The following ADAM9 variants were observed in gnomAD, a reference collection of about 807,000 sequenced individuals.
The protein encoded by ADAM9 is disintegrin and metalloproteinase domain-containing protein 9.
In ADAM9, 54 loss-of-function variants were observed where a neutral mutation model predicts 108.1. The ratio of observed to expected loss-of-function variants is 0.50; its 90% CI spans 0.40 to 0.63. The LOEUF (loss-of-function observed/expected upper bound fraction) is 0.63, where lower values mean the gene tolerates loss of function less well. Among genes scored for constraint, ADAM9 ranks in the 20% least tolerant of loss-of-function variants. ADAM9 has a pLI of 0.00. For synonymous variants in ADAM9, 316 were observed against 336.0 expected, an observed-to-expected ratio of 0.94 and a Z score of 0.65; for missense variants, 830 against 997.7, an observed-to-expected ratio of 0.83 and a Z score of 2.26.
intron 12 of ADAM9, among the ~76,000 whole-genome samples, chr8:39,049,911 A>G (rs1837901423): frequency 6.6e-6 from 1 of 152,182 alleles, no homozygotes. Flanking sequence ...TTTCATTTCA[A>G]GGTGCAGAAC....
chr8:39,074,001 G>A (rs964076353), intron 15 of ADAM9, among the ~76,000 whole-genome samples: 1 of 152,056 alleles, frequency 6.6e-6, no homozygotes, highest in African/African-American at 2.4e-5. Context: ...GATAATAATG[G>A]CACCTGTTTC....
intron 8 of ADAM9, among the ~76,000 whole-genome samples, chr8:39,022,403 A>G (rs1410523526): frequency 6.6e-6 from 1 of 152,198 alleles, no homozygotes; most frequent in Non-Finnish European, 1.5e-5. Flanking sequence ...AAAATTTTAG[A>G]TAAGTTTAGA....
At chr8:39,001,542 TAAAC>T (rs67160709) in intron 1 of ADAM9, among the ~76,000 whole-genome samples, 3,977 of 152,284 alleles carry the variant, frequency 0.026, 195 homozygotes, top group African/African-American at 0.091. Context: ...AAGGGACACT[TAAAC>T]AAACAACAGA....
At chr8:39,073,282 G>A (rs912877867) in intron 15 of ADAM9, among the ~76,000 whole-genome samples, 4 of 152,128 alleles carry the variant, frequency 2.6e-5, no homozygotes, top group Admixed American at 2.0e-4. Context: ...AGTTATGATT[G>A]TGGATTTGTC....
At chr8:39,020,681 GC>G (rs1836708317) in intron 7 of ADAM9, among the ~76,000 whole-genome samples, 1 of 151,950 alleles carries the variant, frequency 6.6e-6, no homozygotes, top group African/African-American at 2.4e-5. Flanking sequence ...TTTTAATTCA[GC>G]CCAGCATTTA....
chr8:39,047,040 A>G (rs962489938), intron 12 of ADAM9, among the ~76,000 whole-genome samples: 3 of 152,214 alleles, frequency 2.0e-5, no homozygotes, highest in Non-Finnish European at 4.4e-5. Flanking sequence ...GAGTGCTGGG[A>G]TTACAGGTGT....
In ADAM9 at chr8:39,091,298, G is replaced by C. The variant is rs769599236; in HGVS notation, c.2250G>C (p.Pro750=). Residue 750 remains proline, a synonymous_variant, in exon 20 of 22, where the codon CCG becomes CCC. Transcript: ENST00000487273. ...GKNQANPSRQ[P]GSVPRHVSPV... ...ATCAAGCAAACCCTTCTAGACAGCC[G>C]GGGAGTGTTCCTCGACATGTTTCTC... 7 of 1,614,074 alleles carry C rather than the reference G, an allele frequency of 4.3e-6. No individual in the cohort carries two copies. The highest frequency in any genetic ancestry group is 1.7e-5 in the Admixed American group (1 of 60,018).
chr8:39,009,064 CT>C (rs1420102477), intron 2 of ADAM9, among the ~76,000 whole-genome samples: 3 of 152,174 alleles, frequency 2.0e-5, no homozygotes, highest in Non-Finnish European at 2.9e-5. Flanking sequence ...AAAAAGAACA[CT>C]GGAGTTGAGG....
At chr8:39,091,814 G>A (rs370120178) in intron 20 of ADAM9, among the ~76,000 whole-genome samples, 8 of 152,280 alleles carry the variant, frequency 5.3e-5, no homozygotes, top group South Asian at 2.1e-4. Context: ...GAAAACCAGC[G>A]GAGTCCTTGG....
chr8:39,008,662 G>C (rs1184834893), intron 2 of ADAM9, among the ~76,000 whole-genome samples: 2 of 152,144 alleles, frequency 1.3e-5, no homozygotes, highest in Non-Finnish European at 2.9e-5. Context: ...CACTCAGTTT[G>C]TGATAGCTAG....
intron 18 of ADAM9, among the ~76,000 whole-genome samples, chr8:39,084,927 CTT>C (rs916041931): frequency 5.3e-5 from 8 of 152,198 alleles, no homozygotes; most frequent in East Asian, 1.9e-4. Flanking sequence ...TAAATTGACT[CTT>C]TATCCTTATG....
In ADAM9 at chr8:39,007,991, A is replaced by T; in HGVS notation, c.195+8A>T. The T allele has an allele frequency of 1.3e-6, 2 of 1,562,562 alleles. No individual in the cohort carries two copies. The highest frequency in any genetic ancestry group is 8.8e-7 in the Non-Finnish European group (1 of 1,135,428). On this transcript the variant is annotated splice_region_variant and intron_variant, in intron 2 of 21. Transcript: ENST00000487273. ...AGGCCCTATTCAAAACAAGTAAGTT[A>T]TAATTGTTGAGAAATAATATGTGGT...
chr8:39,103,910 A>C lies in ADAM9; in HGVS notation c.*210A>C. 1 of 688,764 alleles carries C rather than the reference A, an allele frequency of 1.5e-6. No homozygotes were observed. The highest frequency in any genetic ancestry group is 2.0e-5 in the Admixed American group (1 of 49,652). The allele number at this position is 688,764 out of a possible 1,614,324, so 42.7% of individuals were successfully genotyped here. ...CAGTAAAGCCAGGGAATTTACAATA[A>C]CATTTCCGTTTCCATCATTGAATAA... On this transcript the variant is annotated 3_prime_UTR_variant, in exon 22 of 22. Transcript: ENST00000487273.
intron 15 of ADAM9, among the ~76,000 whole-genome samples, chr8:39,072,866 A>AT (rs1260512133): frequency 6.6e-6 from 1 of 152,022 alleles, no homozygotes; most frequent in African/African-American, 2.4e-5. Context: ...ATTTACACTG[A>AT]TTTTTTTCCT....
intron 14 of ADAM9, among the ~76,000 whole-genome samples, chr8:39,060,731 A>G (rs1011074742): frequency 3.3e-5 from 5 of 152,230 alleles, no homozygotes; most frequent in East Asian, 1.9e-4. Flanking sequence ...AATGTTTTCA[A>G]TGACTAGTGT....
At position 39,055,734 on chromosome 8, in the gene ADAM9, A is replaced by T; in HGVS notation, c.1553A>T (p.Gln518Leu). Reference protein sequence around the residue: ...NKAYCYNGMCQYYDAQCQVIF... With the variant: ...NKAYCYNGMCLYYDAQCQVIF... ...GCCTATTGCTACAACGGCATGTGCC[A>T]GTATTATGATGCTCAATGTCAAGTC... The change falls in exon 14 of 22, where the codon CAG (glutamine) becomes CTG (leucine). Residue 518 changes from glutamine to leucine, a missense_variant. Gln to Leu is a moderately radical substitution (Grantham distance 113, BLOSUM62 -2). Coordinates refer to ENST00000487273, the MANE Select transcript of ADAM9 (RefSeq NM_003816.3). The T allele has an allele frequency of 6.2e-7, 1 of 1,613,668 alleles. No homozygotes were observed. The highest frequency in any genetic ancestry group is 8.5e-7 in the Non-Finnish European group (1 of 1,179,716).
At chr8:39,014,922 G>A in intron 4 of ADAM9, 1 of 194,604 alleles carries the variant, frequency 5.1e-6, no homozygotes. Context: ...GTGTGTTGTT[G>A]GTCCATTGTT....
In ADAM9 at chr8:39,071,540, C is replaced by T. The variant is rs547899335; in HGVS notation, c.1697+137C>T. The T allele has an allele frequency of 2.5e-5, 18 of 731,036 alleles. No individual in the cohort carries two copies. In the East Asian group the frequency reaches 2.6e-4, roughly 11 times the overall value. 45.3% of individuals were successfully genotyped at this position (731,036 alleles called of 1,614,324 possible). On this transcript the variant is annotated intron_variant, in intron 15 of 21. Coordinates refer to ENST00000487273, the MANE Select transcript of ADAM9 (RefSeq NM_003816.3). ...GGAGTGCAGTGGCGCGATCTCGGCT[C>T]GCTGCACCCTCCGCCTCCCAGGTTC...
chr8:39,060,855 C>T (rs1323348395), intron 14 of ADAM9, among the ~76,000 whole-genome samples: 2 of 152,196 alleles, frequency 1.3e-5, no homozygotes, highest in African/African-American at 4.8e-5. Flanking sequence ...GCTGGCCTTG[C>T]CAGCTGAAAG....
Sources: allele counts gnomAD v4.1 joint callset (sites outside exome capture counted in the v4.1 genomes callset), GRCh38; gene constraint gnomAD v4.1.1; transcripts MANE v1.5; gene names NCBI Gene and HGNC (gene_info 2026-07-23, HGNC 2026-07-21).